The following ZPBP variants were observed in gnomAD, a reference collection of about 807,000 sequenced individuals.
The protein encoded by ZPBP is zona pellucida-binding protein 1.
Under a neutral mutation model 44.8 loss-of-function variants are expected in ZPBP, and 26 were observed. That is an observed-to-expected ratio of 0.58 (90% CI 0.43 to 0.81). The LOEUF is 0.81. ZPBP is among the 30% of genes least tolerant of loss of function. The pLI is 0.00. For synonymous variants in ZPBP, 174 were observed against 153.2 expected, an observed-to-expected ratio of 1.14 and a Z score of -1.00; for missense variants, 409 against 434.0, an observed-to-expected ratio of 0.94 and a Z score of 0.51.
chr7:49,893,882 A>C (rs11185594), intron 2 of ZPBP, among the ~76,000 whole-genome samples: 68,600 of 151,938 alleles, frequency 0.45, 15,746 homozygotes, highest in Non-Finnish European at 0.48. Flanking sequence ...TCTGTTGTTT[A>C]ATTTCAGAAA....
At chr7:50,038,638 C>A (rs1799928751) in intron 4 of ZPBP, among the ~76,000 whole-genome samples, 1 of 152,220 alleles carries the variant, frequency 6.6e-6, no homozygotes, top group South Asian at 2.1e-4. Context: ...CTTCACCTAG[C>A]AACTTCACCC....
rs370603385 is a variant in ZPBP, at chr7:50,031,083, T to G, written c.706+9A>C. On this transcript the variant is annotated intron_variant, in intron 5 of 7. Coordinates refer to ENST00000046087, the MANE Select transcript of ZPBP (RefSeq NM_007009.3). ...CCATTTGCTTTTCTAACAAATTGTATAGACTTACCTGAAAATGCAAAGAAC... is the reference window on the plus strand; with the variant it reads ...CCATTTGCTTTTCTAACAAATTGTAGAGACTTACCTGAAAATGCAAAGAAC... 6.2e-7 allele frequency: 1 copy of G among 1,612,490 alleles called. No individual in the cohort carries two copies. Among genetic ancestry groups the G allele is most frequent in the Admixed American group, 1.7e-5 (1 of 59,966 alleles).
At chr7:50,067,395 T>C (rs541587435) in intron 3 of ZPBP, among the ~76,000 whole-genome samples, 6 of 152,156 alleles carry the variant, frequency 3.9e-5, no homozygotes, top group Non-Finnish European at 7.4e-5. Context: ...AGCAGAAGCA[T>C]ATTTGGAATC....
chr7:49,984,591 A>T (rs1797167980), intron 6 of ZPBP, among the ~76,000 whole-genome samples: 1 of 152,068 alleles, frequency 6.6e-6, no homozygotes, highest in African/African-American at 2.4e-5. Flanking sequence ...TGTGGAGTTC[A>T]CAATAGGGTT....
At chr7:50,077,375 C>G (rs1802147788) in intron 3 of ZPBP, among the ~76,000 whole-genome samples, 1 of 151,464 alleles carries the variant, frequency 6.6e-6, no homozygotes, top group South Asian at 2.1e-4. Flanking sequence ...CACAGGCAAC[C>G]AAAGAAAATA....
At chr7:49,848,717 G>A (rs1046338005), downstream of ZPBP, among the ~76,000 whole-genome samples, 13 of 152,156 alleles carry the variant, frequency 8.5e-5, no homozygotes, top group African/African-American at 2.2e-4. Flanking sequence ...ACATTTTTGT[G>A]TTTTGTATGA....
chr7:50,020,182 G>A (rs953391454), intron 5 of ZPBP, among the ~76,000 whole-genome samples: 1 of 152,042 alleles, frequency 6.6e-6, no homozygotes, highest in African/African-American at 2.4e-5. Context: ...AATTCAGAAG[G>A]TGGCAGACCT....
chr7:49,981,568 TAATTATATA>T (rs767016743), intron 7 of ZPBP, among the ~76,000 whole-genome samples: 22,895 of 75,688 alleles, frequency 0.3, 4,788 homozygotes, highest in Middle Eastern at 0.42. Context: ...ATATATTATA[TAATTATATA>T]AATTATATAT....
At chr7:49,888,130 T>C (rs548290403) in intron 2 of ZPBP, among the ~76,000 whole-genome samples, 1 of 152,338 alleles carries the variant, frequency 6.6e-6, no homozygotes, top group South Asian at 2.1e-4. Flanking sequence ...TAGCTCAAAA[T>C]TGGCCTTGGT....
intron 7 of ZPBP, among the ~76,000 whole-genome samples, chr7:49,951,155 G>T (rs1795327721): frequency 6.6e-6 from 1 of 151,746 alleles, no homozygotes; most frequent in Admixed American, 6.6e-5. Context: ...CATGATTTTA[G>T]ATTTTGCAAT....
chr7:49,857,197 C>T (rs1228572196), intron 2 of ZPBP, among the ~76,000 whole-genome samples: 1 of 152,052 alleles, frequency 6.6e-6, no homozygotes, highest in Non-Finnish European at 1.5e-5. Flanking sequence ...CCCCTACCCC[C>T]AACCCCTGGC....
chr7:49,927,537 A>G (rs1022347574), intron 1 of ZPBP, among the ~76,000 whole-genome samples: 5 of 152,204 alleles, frequency 3.3e-5, no homozygotes, highest in East Asian at 3.8e-4. Flanking sequence ...GGCTTCCACT[A>G]TGACCTCCTT....
chr7:50,071,822 T>A (rs1206145606), intron 3 of ZPBP, among the ~76,000 whole-genome samples: 1 of 152,072 alleles, frequency 6.6e-6, no homozygotes, highest in Non-Finnish European at 1.5e-5. Flanking sequence ...GCAGCATTCA[T>A]CATCTGCTAA....
intron 7 of ZPBP, among the ~76,000 whole-genome samples, chr7:49,968,447 G>A (rs1407035142): frequency 6.6e-6 from 1 of 151,880 alleles, no homozygotes; most frequent in Non-Finnish European, 1.5e-5. Flanking sequence ...CAACCTAGGA[G>A]AGCAAAAATT....
chr7:49,898,946 G>A (rs4917098), intron 2 of ZPBP, among the ~76,000 whole-genome samples: 116,573 of 151,986 alleles, frequency 0.77, 44,910 homozygotes, highest in East Asian at 0.89. Flanking sequence ...GGAACAAAGA[G>A]CAAGTGCAAC....
intron 6 of ZPBP, among the ~76,000 whole-genome samples, chr7:50,012,882 T>C (rs948020221): frequency 1.4e-5 from 2 of 147,486 alleles, no homozygotes; most frequent in Admixed American, 6.9e-5. Flanking sequence ...ATAGATTACA[T>C]AGAAAATCCT....
At chr7:50,076,641 CCATTTA>C (rs1193473290) in intron 3 of ZPBP, among the ~76,000 whole-genome samples, 1 of 151,296 alleles carries the variant, frequency 6.6e-6, no homozygotes, top group Non-Finnish European at 1.5e-5. Flanking sequence ...AAAAGTAATC[CCATTTA>C]CAACAGCCAC....
At chr7:49,906,327 C>A (rs759273330) in intron 1 of ZPBP, among the ~76,000 whole-genome samples, 23 of 152,010 alleles carry the variant, frequency 1.5e-4, no homozygotes, top group Admixed American at 6.6e-4. Context: ...TAAATATTAA[C>A]TGTCAAAAAT....
At chr7:49,942,019 T>A (rs919093311) in intron 7 of ZPBP, among the ~76,000 whole-genome samples, 5 of 151,944 alleles carry the variant, frequency 3.3e-5, no homozygotes, top group Non-Finnish European at 7.4e-5. Flanking sequence ...GAAAGAACAA[T>A]TTTTTTCACC....
Sources: allele counts gnomAD v4.1 joint callset (sites outside exome capture counted in the v4.1 genomes callset), GRCh38; gene constraint gnomAD v4.1.1; transcripts MANE v1.5; gene names NCBI Gene and HGNC (gene_info 2026-07-23, HGNC 2026-07-21).